The following PRR16 variants were observed in gnomAD, a reference collection of about 807,000 sequenced individuals.
The protein encoded by PRR16 is protein Largen.
In PRR16, 6 loss-of-function variants were observed where a neutral mutation model predicts 18.2. That is an observed-to-expected ratio of 0.33 (90% CI 0.18 to 0.65). PRR16 has a LOEUF of 0.65. Among genes scored for constraint, PRR16 ranks in the 30% least tolerant of loss-of-function variants. The pLI, the probability that PRR16 is intolerant of heterozygous loss-of-function variation, is 0.74. For missense variants in PRR16, 412 were observed against 376.6 expected (o/e 1.09, Z -0.78); for synonymous variants, 151 against 147.8 (o/e 1.02, Z -0.16).
chr5:120,715,748 C>T, the PRR16 span, among the ~76,000 whole-genome samples: 51 of 152,272 alleles, frequency 3.3e-4, no homozygotes, highest in African/African-American at 1.1e-3. Context: ...TTGAACATCT[C>T]AGGAGATACA....
intron 1 of PRR16, among the ~76,000 whole-genome samples, chr5:120,604,215 T>G (rs1754077219): frequency 6.6e-6 from 1 of 152,074 alleles, no homozygotes. Flanking sequence ...TAAGAACTTG[T>G]TTCATGAGTC....
intron 1 of PRR16, among the ~76,000 whole-genome samples, chr5:120,500,717 C>G (rs1048754898): frequency 2.0e-5 from 3 of 152,064 alleles, no homozygotes; most frequent in Non-Finnish European, 4.4e-5. Flanking sequence ...ATTTTGATAT[C>G]CTGTCAGTAT....
the PRR16 span, among the ~76,000 whole-genome samples, chr5:120,785,269 A>T: frequency 6.6e-6 from 1 of 152,276 alleles, no homozygotes; most frequent in East Asian, 1.9e-4. Context: ...TGGAGACCAT[A>T]CGTGGGTATG....
chr5:120,742,280 G>GTT, the PRR16 span, among the ~76,000 whole-genome samples: 872 of 140,470 alleles, frequency 6.2e-3, 10 homozygotes, highest in Middle Eastern at 0.056. Context: ...TTACTTGTGG[G>GTT]TTTTTTTTTT....
chr5:120,545,882 C>G (rs1381938478), intron 1 of PRR16, among the ~76,000 whole-genome samples: 1 of 151,916 alleles, frequency 6.6e-6, no homozygotes. Flanking sequence ...AGGATGAGTT[C>G]TTGCCAATTT....
At chr5:120,502,127 C>T (rs1420546287) in intron 1 of PRR16, among the ~76,000 whole-genome samples, 5 of 150,980 alleles carry the variant, frequency 3.3e-5, no homozygotes, top group Admixed American at 3.3e-4. Flanking sequence ...CTTTGGAAGC[C>T]CTTTGTTTCA....
chr5:120,614,566 C>A (rs933132135), intron 1 of PRR16, among the ~76,000 whole-genome samples: 4 of 152,188 alleles, frequency 2.6e-5, no homozygotes, highest in African/African-American at 9.6e-5. Context: ...AATTTTCAAG[C>A]CTTTTCCACT....
the PRR16 span, among the ~76,000 whole-genome samples, chr5:120,785,173 T>C: frequency 6.6e-6 from 1 of 152,174 alleles, no homozygotes. Flanking sequence ...TAAGGCAGTA[T>C]TGGTTATTTT....
intron 1 of PRR16, among the ~76,000 whole-genome samples, chr5:120,538,648 T>G (rs898311366): frequency 6.6e-6 from 1 of 152,216 alleles, no homozygotes; most frequent in South Asian, 2.1e-4. Flanking sequence ...TACAGGTCTA[T>G]AGGGTGCTTT....
chr5:120,493,103 A>T (rs1014381802), intron 1 of PRR16, among the ~76,000 whole-genome samples: 5 of 152,132 alleles, frequency 3.3e-5, no homozygotes, highest in Non-Finnish European at 7.4e-5. Context: ...TGAATGGTAG[A>T]TCTACTTTCA....
At position 120,508,424 on chromosome 5, in the gene PRR16, G is replaced by A. The variant is rs146032169; in HGVS notation, c.159+43779G>A. Among the ~76,000 whole-genome samples the A allele has an allele frequency of 1.6e-3, 238 of 152,202 alleles. 1 individual carries two copies. Among genetic ancestry groups the A allele is most frequent in the African/African-American group, 5.3e-3 (222 of 41,548 alleles). On this transcript the variant is annotated intron_variant, in intron 1 of 1. Coordinates refer to ENST00000407149, the MANE Select transcript of PRR16 (RefSeq NM_001300783.2). ...TTTTAACTGTTACAATAACTTAAAG[G>A]AGAATGTGTGGAGTCTGATGACAAT...
intron 1 of PRR16, among the ~76,000 whole-genome samples, chr5:120,468,261 C>G (rs867626750): frequency 1.3e-5 from 2 of 151,990 alleles, no homozygotes; most frequent in African/African-American, 2.4e-5. Context: ...TGGATCAATA[C>G]CATATACAGG....
At chr5:120,741,682 GCCT>G in the PRR16 span, among the ~76,000 whole-genome samples, 2 of 151,982 alleles carry the variant, frequency 1.3e-5, no homozygotes, top group South Asian at 4.2e-4. Flanking sequence ...GCTCACTGCA[GCCT>G]CCGCCTCCCT....
Position 120,517,838 on chromosome 5 carries a change from T to A in PRR16, c.159+53193T>A, listed in dbSNP as rs1469046322. On this transcript the variant is annotated intron_variant, in intron 1 of 1. Coordinates refer to ENST00000407149, the MANE Select transcript of PRR16 (RefSeq NM_001300783.2). ...CAGTACTAGAAGGCCTGGGTTGTAA[T>A]TTCATCTTTGCCACTGCTCTCTTTG... Among the ~76,000 whole-genome samples the A allele has an allele frequency of 2.0e-5, 3 of 152,232 alleles. No homozygotes were observed. In the East Asian group the frequency reaches 5.8e-4, roughly 29 times the overall value.
the PRR16 span, among the ~76,000 whole-genome samples, chr5:120,699,952 G>A: frequency 2.6e-5 from 4 of 152,214 alleles, no homozygotes; most frequent in African/African-American, 9.7e-5. Context: ...TGTCTGTGAA[G>A]CTTTGCAGCA....
At chr5:120,583,704 C>A (rs1414903239) in intron 1 of PRR16, among the ~76,000 whole-genome samples, 2 of 152,076 alleles carry the variant, frequency 1.3e-5, no homozygotes, top group Non-Finnish European at 2.9e-5. Context: ...GTTGCTGGAT[C>A]CTTGAGGGTG....
At chr5:120,718,067 G>C in the PRR16 span, among the ~76,000 whole-genome samples, 3 of 152,032 alleles carry the variant, frequency 2.0e-5, no homozygotes, top group Admixed American at 6.6e-5. Context: ...ACACTTGTTA[G>C]AACATTATTG....
At chr5:120,704,039 G>C in the PRR16 span, among the ~76,000 whole-genome samples, 1 of 152,106 alleles carries the variant, frequency 6.6e-6, no homozygotes, top group Admixed American at 6.6e-5. Flanking sequence ...TGGGGCTTTT[G>C]TTTCTTTGTT....
chr5:120,764,725 T>G, the PRR16 span, among the ~76,000 whole-genome samples: 1 of 152,136 alleles, frequency 6.6e-6, no homozygotes, highest in Non-Finnish European at 1.5e-5. Flanking sequence ...AAGTTCTTAA[T>G]TAAGCACCTT....
Sources: allele counts gnomAD v4.1 joint callset (sites outside exome capture counted in the v4.1 genomes callset), GRCh38; gene constraint gnomAD v4.1.1; transcripts MANE v1.5; gene names NCBI Gene and HGNC (gene_info 2026-07-23, HGNC 2026-07-21).